The following ADGRB3 variants were observed in gnomAD, a reference collection of about 807,000 sequenced individuals.
ADGRB3 encodes the protein adhesion G protein-coupled receptor B3.
ADGRB3 carries 37 observed loss-of-function variants against 193.4 expected under a neutral mutation model. The ratio of observed to expected loss-of-function variants is 0.19; its 90% CI spans 0.15 to 0.25. The LOEUF is 0.25. Ranked by LOEUF, ADGRB3 falls within the 10% of genes least tolerant of loss-of-function variation. ADGRB3 has a pLI of 1.00. For synonymous variants in ADGRB3, 690 were observed against 644.2 expected, an observed-to-expected ratio of 1.07 and a Z score of -1.08; for missense variants, 1,637 against 1,852.9, an observed-to-expected ratio of 0.88 and a Z score of 2.14.
intron 20 of ADGRB3, among the ~76,000 whole-genome samples, chr6:69,259,358 C>A (rs1436334575): frequency 2.0e-5 from 3 of 152,126 alleles, no homozygotes; most frequent in African/African-American, 7.2e-5. Flanking sequence ...AATATTTTCT[C>A]CCGTGTTGGT....
intron 30 of ADGRB3, among the ~76,000 whole-genome samples, chr6:69,375,722 A>C (rs1030499759): frequency 1.3e-5 from 2 of 152,100 alleles, no homozygotes; most frequent in African/African-American, 4.8e-5. Context: ...AGATAACAGT[A>C]TCCATGCCAT....
At chr6:69,034,116 A>T (rs17401221) in intron 13 of ADGRB3, among the ~76,000 whole-genome samples, 1 of 151,970 alleles carries the variant, frequency 6.6e-6, no homozygotes, top group Non-Finnish European at 1.5e-5. Context: ...ATGTTTAGTA[A>T]GCATCTTCAA....
intron 17 of ADGRB3, among the ~76,000 whole-genome samples, chr6:69,148,635 A>T (rs1329502525): frequency 6.6e-6 from 1 of 152,106 alleles, no homozygotes; most frequent in East Asian, 1.9e-4. Flanking sequence ...TGAATTTTGT[A>T]CCTTCAGATG....
intron 17 of ADGRB3, among the ~76,000 whole-genome samples, chr6:69,192,264 A>G (rs1364958527): frequency 4.6e-5 from 7 of 152,138 alleles, no homozygotes; most frequent in Non-Finnish European, 1.0e-4. Context: ...AAGAGTCCCA[A>G]AGCTGAAGAA....
intron 29 of ADGRB3, among the ~76,000 whole-genome samples, chr6:69,368,428 A>G (rs1769631255): frequency 6.6e-6 from 1 of 152,140 alleles, no homozygotes; most frequent in Admixed American, 6.5e-5. Flanking sequence ...GGTGGATTGA[A>G]TGTGGAAAAC....
rs537867802 is a variant in ADGRB3, at chr6:69,152,821, A to G, written c.2480+76783A>G. 6.6e-5 allele frequency among the ~76,000 whole-genome samples: 10 copies of G among 152,342 alleles called. No homozygotes were observed. In the South Asian group the frequency reaches 2.1e-3, roughly 32 times the overall value. On this transcript the variant is annotated intron_variant, in intron 17 of 31. Transcript: ENST00000370598. ...AAAGCAGATGAAAGAAATTGTATTT[A>G]TGTATATTTTTATGCTGTACTGTAA...
intron 10 of ADGRB3, among the ~76,000 whole-genome samples, chr6:68,989,462 G>A (rs928875740): frequency 2.6e-5 from 4 of 152,080 alleles, no homozygotes; most frequent in Non-Finnish European, 4.4e-5. Context: ...GATCCATCTC[G>A]TGTCTATAGG....
chr6:69,378,685 A>G (rs569524406), intron 30 of ADGRB3, among the ~76,000 whole-genome samples: 14 of 152,170 alleles, frequency 9.2e-5, no homozygotes, highest in Admixed American at 5.9e-4. Context: ...TTTACACTTC[A>G]GACCACACAA....
In ADGRB3 at chr6:68,807,215, CTTTTTCT is replaced by C. The variant is rs1190718299; in HGVS notation, c.758-123324_758-123318del. On this transcript the variant is annotated intron_variant, in intron 3 of 31. Coordinates refer to ENST00000370598, the MANE Select transcript of ADGRB3 (RefSeq NM_001704.3). ...CACATTAAAATGGATGTTAATTTTTCTTTTTCTTTTTTCTTTTTTCTTTTTTTTTTTT... is the reference window on the plus strand; with the variant it reads ...CACATTAAAATGGATGTTAATTTTTCTTTTTCTTTTTTCTTTTTTTTTTTT... 1.5e-3 allele frequency among the ~76,000 whole-genome samples: 203 copies of C among 132,368 alleles called. 2 individuals are homozygous for C. The highest frequency in any genetic ancestry group is 4.6e-3 in the South Asian group (18 of 3,954). 86.8% of individuals were successfully genotyped at this position (132,368 alleles called of 152,430 possible). A position where few individuals can be genotyped will look rare whatever the true frequency, so the allele number is the denominator to read the frequency against.
At chr6:68,799,870 T>C (rs931157001) in intron 3 of ADGRB3, among the ~76,000 whole-genome samples, 1 of 152,014 alleles carries the variant, frequency 6.6e-6, no homozygotes, top group African/African-American at 2.4e-5. Context: ...AGGGCCAAAG[T>C]GTGAAAATAG....
intron 13 of ADGRB3, among the ~76,000 whole-genome samples, chr6:69,031,049 CTCTTCTCTTCTCT>C (rs1770651837): frequency 6.6e-5 from 1 of 15,162 alleles, no homozygotes; most frequent in East Asian, 8.9e-4. Context: ...CTCTTCTCTT[CTCTTCTCTTCTCT>C]TCTCTTCTCT....
At chr6:69,058,748 A>G (rs1329826549) in intron 15 of ADGRB3, among the ~76,000 whole-genome samples, 2 of 151,762 alleles carry the variant, frequency 1.3e-5, no homozygotes, top group African/African-American at 2.4e-5. Context: ...ATATTTCTCA[A>G]TTTTTCAGTG....
chr6:69,052,661 A>T (rs954195313), intron 15 of ADGRB3, among the ~76,000 whole-genome samples: 3 of 152,036 alleles, frequency 2.0e-5, no homozygotes, highest in Non-Finnish European at 4.4e-5. Flanking sequence ...TTGCATGTTG[A>T]CTCTCTCTTT....
chr6:68,992,428 G>T (rs979432346), intron 10 of ADGRB3, among the ~76,000 whole-genome samples: 1 of 152,080 alleles, frequency 6.6e-6, no homozygotes, highest in Non-Finnish European at 1.5e-5. Context: ...GGCCAGTGCC[G>T]TGTCTCTTTC....
At chr6:69,247,325 C>T (rs148363428) in intron 20 of ADGRB3, among the ~76,000 whole-genome samples, 59 of 152,266 alleles carry the variant, frequency 3.9e-4, no homozygotes, top group African/African-American at 1.3e-3. Flanking sequence ...AGGGCAGATG[C>T]GGATGAGTTA....
At chr6:69,312,660 C>G (rs1768219363) in intron 20 of ADGRB3, among the ~76,000 whole-genome samples, 1 of 151,552 alleles carries the variant, frequency 6.6e-6, no homozygotes, top group South Asian at 2.1e-4. Flanking sequence ...CTTCCTGCAC[C>G]CCACCATGGC....
chr6:69,102,919 G>A (rs1267029134), intron 17 of ADGRB3, among the ~76,000 whole-genome samples: 1 of 152,082 alleles, frequency 6.6e-6, no homozygotes, highest in African/African-American at 2.4e-5. Context: ...TTTGTTGTAA[G>A]AATAGACAAC....
intron 17 of ADGRB3, among the ~76,000 whole-genome samples, chr6:69,124,700 C>T (rs567202987): frequency 5.9e-5 from 9 of 152,248 alleles, no homozygotes; most frequent in African/African-American, 2.2e-4. Flanking sequence ...ATATTTTCTA[C>T]TTTTTGATTT....
At chr6:68,694,464 A>G (rs1026196721) in intron 3 of ADGRB3, among the ~76,000 whole-genome samples, 5 of 151,882 alleles carry the variant, frequency 3.3e-5, no homozygotes, top group African/African-American at 4.8e-5. Flanking sequence ...GTATCAAGGC[A>G]CTGGTATGGG....
Sources: gnomAD v4.1 joint callset for allele counts (sites outside exome capture counted in the v4.1 genomes callset) on GRCh38, gnomAD v4.1.1 for gene constraint, MANE v1.5 for transcripts, NCBI Gene and HGNC (gene_info 2026-07-23, HGNC 2026-07-21) for gene names.